KAZN: variants seen among roughly 807,000 people sequenced by gnomAD.
KAZN encodes the protein kazrin.
KAZN carries 40 observed loss-of-function variants against 87.4 expected under a neutral mutation model. The ratio of observed to expected loss-of-function variants is 0.46; its 90% CI spans 0.36 to 0.60. The LOEUF (loss-of-function observed/expected upper bound fraction) is 0.60, where lower values mean the gene tolerates loss of function less well. Ranked by LOEUF, KAZN falls within the 20% of genes least tolerant of loss-of-function variation. KAZN has a pLI of 0.00. For synonymous variants in KAZN, 466 were observed against 458.3 expected (o/e 1.02, Z -0.22); for missense variants, 898 against 1,073.9 (o/e 0.84, Z 2.29).
At chr1:14,131,289 A>G (rs1644987253) in intron 1 of KAZN, among the ~76,000 whole-genome samples, 1 of 152,180 alleles carries the variant, frequency 6.6e-6, no homozygotes, top group Non-Finnish European at 1.5e-5. Context: ...TTGAGTGGGG[A>G]CACGTAGCCA....
rs1034264263 is a variant in KAZN, at chr1:15,096,671, C to G, written c.1547+1738C>G. ...GCATGGTTGGGACCTGGGGAGGGCT[C>G]TCTTCCTGGCTTGCAGAAGGCAACC... On this transcript the variant is annotated intron_variant, in intron 10 of 14. Coordinates refer to ENST00000376030, the MANE Select transcript of KAZN (RefSeq NM_201628.3). This position sits in a 1 kb window ranked among gnomAD's most constrained non-coding sequence, Gnocchi z 4.5. Among the ~76,000 whole-genome samples, 1 of 152,206 alleles carries G rather than the reference C, an allele frequency of 6.6e-6. No individual in the cohort carries two copies. The highest frequency in any genetic ancestry group is 1.5e-5 in the Non-Finnish European group (1 of 68,036).
At chr1:14,256,309 T>G (rs1037611712) in intron 2 of KAZN, among the ~76,000 whole-genome samples, 1 of 152,146 alleles carries the variant, frequency 6.6e-6, no homozygotes, top group African/African-American at 2.4e-5. Flanking sequence ...ATATTTAATA[T>G]GCACACTGTT....
intron 1 of KAZN, among the ~76,000 whole-genome samples, chr1:14,655,075 T>C (rs1469290879): frequency 6.6e-6 from 1 of 152,188 alleles, no homozygotes; most frequent in Non-Finnish European, 1.5e-5. Flanking sequence ...ACTCAGAAGG[T>C]CTGGGCCAGG....
rs190353448 is a variant in KAZN at position 13,924,756 on chromosome 1, T to A, written c.91+31000T>A. Among the ~76,000 whole-genome samples the A allele has an allele frequency of 3.8e-3, 582 of 152,308 alleles. 4 individuals carry two copies. The highest frequency in any genetic ancestry group is 0.014 in the African/African-American group (562 of 41,564). ...AGACTGAACCAGTGTTCCTCTTCCA[T>A]ACGTTGATTGATGTCTTATTTTTCC... On this transcript the variant is annotated intron_variant, in intron 1 of 16. Coordinates refer to the KAZN transcript ENST00000636203.
chr1:14,923,510 G>C lies in KAZN; in HGVS notation c.227-37174G>C, dbSNP rs906102652. Among the ~76,000 whole-genome samples, 3 of 152,206 alleles carry C rather than the reference G, an allele frequency of 2.0e-5. No individual in the cohort carries two copies. The highest frequency in any genetic ancestry group is 7.2e-5 in the African/African-American group (3 of 41,456). On this transcript the variant is annotated intron_variant, in intron 1 of 14. Coordinates refer to ENST00000376030, the MANE Select transcript of KAZN (RefSeq NM_201628.3). The surrounding 1 kb of genome is among the most constrained non-coding windows in gnomAD (Gnocchi z 4.2). ...CCTGCCAATGGCTGCCATAGTTGGA[G>C]AGTTCATGGGCAGCACTGATAATGG... is the stretch of plus-strand genomic sequence containing the variant.
chr1:14,015,299 C>A (rs866381882), intron 1 of KAZN, among the ~76,000 whole-genome samples: 1 of 151,740 alleles, frequency 6.6e-6, no homozygotes, highest in African/African-American at 2.4e-5. Flanking sequence ...ACAAAAATGC[C>A]GTTCAGATGA....
intron 2 of KAZN, among the ~76,000 whole-genome samples, chr1:14,569,220 C>T (rs1393977453): frequency 6.6e-6 from 1 of 151,056 alleles, no homozygotes; most frequent in Admixed American, 6.6e-5. Context: ...GGATATTATA[C>T]AACAGATTCA....
At chr1:14,171,008 G>A (rs145804255) in intron 1 of KAZN, among the ~76,000 whole-genome samples, 22 of 152,292 alleles carry the variant, frequency 1.4e-4, no homozygotes, top group African/African-American at 5.3e-4. Context: ...CACCGCTCCT[G>A]GCCCTCTGTA....
At chr1:14,954,186 A>G (rs1460986252) in intron 1 of KAZN, among the ~76,000 whole-genome samples, 1 of 152,206 alleles carries the variant, frequency 6.6e-6, no homozygotes, top group Admixed American at 6.5e-5. Context: ...TCCCTGGGGC[A>G]GGAGGGCCAC....
chr1:14,892,958 C>T (rs185852783), intron 1 of KAZN, among the ~76,000 whole-genome samples: 195 of 152,340 alleles, frequency 1.3e-3, no homozygotes, highest in African/African-American at 3.8e-3. Context: ...GCACCTACTA[C>T]GTAGCAGGCA....
chr1:13,918,487 G>A (rs1639941576), intron 1 of KAZN, among the ~76,000 whole-genome samples: 1 of 152,224 alleles, frequency 6.6e-6, no homozygotes. Context: ...ATCTACTCCT[G>A]ATGAAGATAC....
rs1314233839 is a variant in KAZN, at chr1:14,195,914, C to T, written c.249+15322C>T. 2.6e-5 allele frequency among the ~76,000 whole-genome samples: 4 copies of T among 151,852 alleles called. No homozygotes were observed. The East Asian group carries it at 5.8e-4, about 22-fold the overall frequency. Reference sequence around the variant, plus strand: ...AAAACAAATAAATTTATGTGTCAGGCGATGTATTGTAGAAGGAAATAAGGT... The same window carrying T: ...AAAACAAATAAATTTATGTGTCAGGTGATGTATTGTAGAAGGAAATAAGGT... On this transcript the variant is annotated intron_variant, in intron 2 of 16. Transcript: ENST00000636203.
At chr1:14,529,121 T>A (rs947542789) in intron 2 of KAZN, among the ~76,000 whole-genome samples, 1 of 152,110 alleles carries the variant, frequency 6.6e-6, no homozygotes, top group Non-Finnish European at 1.5e-5. Flanking sequence ...ATGACCAGCA[T>A]GGTGAAACCC....
chr1:14,325,394 T>C (rs1656338203), intron 2 of KAZN, among the ~76,000 whole-genome samples: 1 of 152,232 alleles, frequency 6.6e-6, no homozygotes, highest in Non-Finnish European at 1.5e-5. Context: ...ATTCCATGTT[T>C]AGACTATTTC....
chr1:14,170,887 G>A (rs1645941509), intron 1 of KAZN, among the ~76,000 whole-genome samples: 1 of 152,054 alleles, frequency 6.6e-6, no homozygotes, highest in East Asian at 1.9e-4. Flanking sequence ...ATGCCCAGCT[G>A]ATTTTTCTGT....
intron 2 of KAZN, among the ~76,000 whole-genome samples, chr1:14,260,987 CTT>C (rs1002256341): frequency 2.0e-5 from 3 of 152,234 alleles, no homozygotes; most frequent in African/African-American, 7.2e-5. Flanking sequence ...AATACATACT[CTT>C]TACATGTGAA....
chr1:14,137,613 G>C lies in KAZN; in HGVS notation c.92-42822G>C, dbSNP rs141129778. Among the ~76,000 whole-genome samples, 1,445 of 152,002 alleles carry C rather than the reference G, an allele frequency of 9.5e-3. 36 individuals carry two copies. Among genetic ancestry groups the C allele is most frequent in the East Asian group, 0.049 (251 of 5,168 alleles). On this transcript the variant is annotated intron_variant, in intron 1 of 16. Coordinates refer to the KAZN transcript ENST00000636203. ...AGAATGATAATAATATTCATTTCAGGGGATGACCACAGAGATTGGATCTGT... is the reference window on the plus strand; with the variant it reads ...AGAATGATAATAATATTCATTTCAGCGGATGACCACAGAGATTGGATCTGT...
At chr1:14,419,877 A>G (rs567180807) in intron 2 of KAZN, among the ~76,000 whole-genome samples, 2 of 152,204 alleles carry the variant, frequency 1.3e-5, no homozygotes, top group South Asian at 4.1e-4. Flanking sequence ...GCTCGCACAG[A>G]CAGTGAGACC....
chr1:14,432,566 A>T (rs557135219), intron 2 of KAZN, among the ~76,000 whole-genome samples: 217 of 151,220 alleles, frequency 1.4e-3, no homozygotes, highest in African/African-American at 5.0e-3. Context: ...TTTTTTTTTT[A>T]ATTTTACTTT....
Sources: allele counts gnomAD v4.1 joint callset (sites outside exome capture counted in the v4.1 genomes callset), GRCh38; gene constraint gnomAD v4.1.1; non-coding constraint Gnocchi (gnomAD v3.1); transcripts MANE v1.5; gene names NCBI Gene and HGNC (gene_info 2026-07-23, HGNC 2026-07-21).